CHD4: variants seen among roughly 807,000 people sequenced by gnomAD.
The protein encoded by CHD4 is ATP-dependent chromatin remodeler CHD4.
A neutral mutation model predicts 235.5 loss-of-function variants in CHD4; 35 were observed. The ratio of observed to expected loss-of-function variants is 0.15; its 90% CI spans 0.11 to 0.20. The LOEUF is 0.20. Among genes scored for constraint, CHD4 ranks in the 10% least tolerant of loss-of-function variants. CHD4 has a pLI of 1.00. For missense variants in CHD4, 1,329 were observed against 2,432.3 expected, an observed-to-expected ratio of 0.55 and a Z score of 9.54; for synonymous variants, 900 against 850.2, an observed-to-expected ratio of 1.06 and a Z score of -1.02.
In CHD4 at chr12:6,594,662, AAC is replaced by A. The variant is rs773143964; in HGVS notation, c.2122-14_2122-13del. 1.2e-6 allele frequency: 2 copies of A among 1,609,174 alleles called. No homozygotes were observed. Among genetic ancestry groups the A allele is most frequent in the Admixed American group, 3.4e-5 (2 of 59,494 alleles). On this transcript the variant is annotated splice_polypyrimidine_tract_variant and intron_variant, in intron 14 of 39. Coordinates refer to ENST00000544040, the MANE Select transcript of CHD4 (RefSeq NM_001273.5). ...TACTTCACTGTTGGCTGAAGGATGA[AAC>A]AGAGAAGTCAAGAGCTGGCAAGGAA...
chr12:6,593,706 G>A lies in CHD4; in HGVS notation c.2314-90C>T. The A allele has an allele frequency of 1.7e-6, 2 of 1,209,134 alleles. No individual in the cohort carries two copies. Among genetic ancestry groups the A allele is most frequent in the Non-Finnish European group, 2.4e-6 (2 of 843,340 alleles). 74.9% of individuals were successfully genotyped at this position (1,209,134 alleles called of 1,614,324 possible). ...CACCACCCTGCTGCCCCCTCAAGCT[G>A]AGCCAAGGACTGACACACCTGCGCT... On this transcript the variant is annotated intron_variant, in intron 15 of 39. Transcript: ENST00000544040. This position sits in a 1 kb window ranked among gnomAD's most constrained non-coding sequence, Gnocchi z 4.9.
chr12:6,580,962 G>T, intron 33 of CHD4, 82 bp downstream of exon 33: 2 of 1,509,606 alleles, frequency 1.3e-6, no homozygotes, highest in African/African-American at 1.4e-5. Context: ...AGCCAAGATC[G>T]CGCCACAGCA....
At chr12:6,580,714 A>AAAAAAAAACAAAC (rs1565604045) in intron 33 of CHD4, 29 of 229,190 alleles carry the variant, frequency 1.3e-4, no homozygotes, top group Non-Finnish European at 1.9e-4. Context: ...GAAAAAAAAA[A>AAAAAAAAACAAAC]AAAAAAAAAA....
chr12:6,596,579 C>T (rs1436684618), intron 12 of CHD4, among the ~76,000 whole-genome samples: 2 of 151,976 alleles, frequency 1.3e-5, no homozygotes, highest in East Asian at 3.9e-4. Flanking sequence ...GCAGGCGGAT[C>T]ACCTGAGGTC....
chr12:6,604,958 C>T (rs905349994), intron 2 of CHD4, among the ~76,000 whole-genome samples: 2 of 152,142 alleles, frequency 1.3e-5, no homozygotes, highest in African/African-American at 4.8e-5. Flanking sequence ...CCCTTACCAG[C>T]ACCACAACTC....
rs1373342418 is a variant in CHD4 at position 6,583,202 on chromosome 12, G to T, written c.4056C>A (p.Asp1352Glu). ...GGCGGGGCCGGCCACACACACCTCG[G>T]TCCTCCTGGGAGCCATCATTGTAGT... ...QVNYNDGSQE[D>E]RDWQDDQSDN... Residue 1352 changes from aspartate (D) to glutamate (E), a missense_variant, in exon 26 of 40, where the codon GAC becomes GAA. This residue lies in a region of CHD4 where 46 missense variants were observed against 85.6 expected (regional missense o/e 0.54). Transcript: ENST00000544040. 6.2e-7 allele frequency: 1 copy of T among 1,614,108 alleles called. No homozygotes were observed. Among genetic ancestry groups the T allele is most frequent in the Non-Finnish European group, 8.5e-7 (1 of 1,180,024 alleles).
At position 6,570,382 on chromosome 12, in the gene CHD4, C is replaced by T; in HGVS notation, c.*294G>A. 2 of 452,934 alleles carry T rather than the reference C, an allele frequency of 4.4e-6. No individual in the cohort carries two copies. The highest frequency in any genetic ancestry group is 7.9e-6 in the Non-Finnish European group (2 of 254,718). The allele number at this position is 452,934 out of a possible 1,614,324, so 28.1% of individuals were successfully genotyped here. On this transcript the variant is annotated 3_prime_UTR_variant, in exon 40 of 40. Transcript: ENST00000544040. Reference sequence around the variant, plus strand: ...ATTTTCTTCAAGCCTGGCAGGAACCCACAACAGTTTGTGTGTAACAGGCGT... The same window carrying T: ...ATTTTCTTCAAGCCTGGCAGGAACCTACAACAGTTTGTGTGTAACAGGCGT...
chr12:6,587,721 T>C lies in CHD4; in HGVS notation c.3694A>G (p.Thr1232Ala), dbSNP rs1336276662. The change falls in exon 24 of 40, where the codon ACT becomes GCT. Residue 1232 changes from threonine (T) to alanine (A), a missense_variant. Coordinates refer to ENST00000544040, the MANE Select transcript of CHD4 (RefSeq NM_001273.5). ...TTCCTGACTACCTCACCTCCATCAG[T>C]GGCTTCATCCTTGAATAGTTCCTCA... ...GTEELFKDEATDGGGDNKEGE... is the reference protein window; with the variant it reads ...GTEELFKDEAADGGGDNKEGE... The C allele has an allele frequency of 4.3e-6, 7 of 1,613,988 alleles. No homozygotes were observed. Among genetic ancestry groups the C allele is most frequent in the Middle Eastern group, 3.3e-4 (2 of 6,074 alleles).
chr12:6,583,761 A>G (rs1026336565), intron 25 of CHD4: 2 of 170,064 alleles, frequency 1.2e-5, no homozygotes, highest in East Asian at 1.6e-4. Context: ...AAAGATTTTC[A>G]TAAGAGAGAA....
At chr12:6,570,718 A>C in intron 39 of CHD4, 25 bp from the exon 40 acceptor site, 1 of 1,614,192 alleles carries the variant, frequency 6.2e-7, no homozygotes, top group Non-Finnish European at 8.5e-7. Context: ...CCGAGGAGTC[A>C]GAATTCCAGA....
intron 13 of CHD4, 28 bp from the exon 14 acceptor site, chr12:6,595,458 C>G (rs757822229): frequency 6.3e-7 from 1 of 1,594,874 alleles, no homozygotes; most frequent in Non-Finnish European, 8.6e-7. Context: ...CACACAGCTG[C>G]CCAAAATCCT....
At chr12:6,578,168 G>A (rs773486233) in intron 35 of CHD4, 31 bp from the exon 36 acceptor site, 6 of 1,565,466 alleles carry the variant, frequency 3.8e-6, no homozygotes, top group East Asian at 4.5e-5. Flanking sequence ...GGTTGGGGGT[G>A]GGGGGAAGCA....
intron 33 of CHD4, chr12:6,580,234 ACAAC>A (rs1948156022): frequency 9.2e-6 from 1 of 108,658 alleles, no homozygotes; most frequent in African/African-American, 3.8e-5. Context: ...CTCGAAAACA[ACAAC>A]AACAACAACA....
chr12:6,581,509 CT>C (rs755212825), intron 31 of CHD4, 121 bp from the exon 32 acceptor site: 11 of 1,511,728 alleles, frequency 7.3e-6, no homozygotes, highest in Non-Finnish European at 9.2e-6. Flanking sequence ...CAGCCCTATT[CT>C]TAGGACGGCC....
chr12:6,584,681 G>A (rs1948250799), intron 25 of CHD4: 1 of 152,106 alleles, frequency 6.6e-6, no homozygotes, highest in Non-Finnish European at 1.5e-5. Context: ...ACCGTGTCTG[G>A]CCCTTTTGTG....
intron 6 of CHD4, 88 bp from the exon 7 acceptor site, chr12:6,601,141 TCA>T (rs1354335715): frequency 1.3e-6 from 2 of 1,524,998 alleles, no homozygotes; most frequent in Non-Finnish European, 1.8e-6. Flanking sequence ...TTCCCCACAT[TCA>T]GATTCCCAAA....
In CHD4 at chr12:6,591,436, C is replaced by G. The variant is rs776119157; in HGVS notation, c.3340+30G>C. The G allele has an allele frequency of 1.6e-5, 25 of 1,558,422 alleles. 1 individual carries two copies. The South Asian group carries it at 2.8e-4, about 18-fold the overall frequency. On this transcript the variant is annotated intron_variant, in intron 22 of 39. Coordinates refer to ENST00000544040, the MANE Select transcript of CHD4 (RefSeq NM_001273.5). The stretch of plus-strand genomic sequence containing the variant: ...CCAAAGATATAAGCAAATGAGGATT[C>G]CTGAAACTAAACAACTCCTTCTCTC...
chr12:6,598,339 T>C lies in CHD4; in HGVS notation c.1569A>G (p.Pro523=). The change falls in exon 11 of 40, where the codon CCA becomes CCG. Residue 523 remains proline (P), a synonymous_variant. Coordinates refer to ENST00000544040, the MANE Select transcript of CHD4 (RefSeq NM_001273.5). ...GGGAGGGCGTGTTGGGATCAGCATCTGGAGGCCGAGGCACTGGTGTGGGAG... is the reference window on the plus strand; with the variant it reads ...GGGAGGGCGTGTTGGGATCAGCATCCGGAGGCCGAGGCACTGGTGTGGGAG... The part of the protein sequence containing the change: ...PPSPTPVPRP[P]DADPNTPSPK... 6.2e-7 allele frequency: 1 copy of C among 1,614,152 alleles called. No homozygotes were observed. The highest frequency in any genetic ancestry group is 8.5e-7 in the Non-Finnish European group (1 of 1,180,004).
intron 3 of CHD4, 50 bp from the exon 4 acceptor site, chr12:6,602,225 C>T (rs1251453300): frequency 1.9e-6 from 3 of 1,604,780 alleles, no homozygotes; most frequent in East Asian, 4.5e-5. Flanking sequence ...ACATGCTACA[C>T]ACATGCTGAC....
Sources: gnomAD v4.1 joint callset for allele counts (sites outside exome capture counted in the v4.1 genomes callset) on GRCh38, gnomAD v4.1.1 for gene constraint, gnomAD v4.1.1 regional missense constraint, Gnocchi (gnomAD v3.1) non-coding constraint, MANE v1.5 for transcripts, NCBI Gene and HGNC (gene_info 2026-07-23, HGNC 2026-07-21) for gene names.